Variants in ADCY4 observed in about 807,000 individuals in gnomAD.
The protein encoded by ADCY4 is adenylate cyclase 4.
Under a neutral mutation model 125.5 loss-of-function variants are expected in ADCY4, and 111 were observed. That is an observed-to-expected ratio of 0.88 (90% CI 0.76 to 1.04). ADCY4 has a LOEUF of 1.04. Ranked by LOEUF, ADCY4 falls within the 50% of genes least tolerant of loss-of-function variation. The pLI is 0.00. For synonymous variants in ADCY4, 576 were observed against 586.9 expected, an observed-to-expected ratio of 0.98 and a Z score of 0.27; for missense variants, 1,256 against 1,382.9, an observed-to-expected ratio of 0.91 and a Z score of 1.46.
rs140808432 is a variant in ADCY4, at chr14:24,333,208, T to A, written c.160-220A>T. ...TTTATCTAGACTCAGCAGTCTCGTA[T>A]GGTTTTTGTTGGTTGGTTGGTTTGT... On this transcript the variant is annotated intron_variant, in intron 1 of 24. Transcript: ENST00000418030. Among the ~76,000 whole-genome samples, 83 of 152,162 alleles carry A rather than the reference T, an allele frequency of 5.5e-4. 1 individual carries two copies. The highest frequency in any genetic ancestry group is 1.8e-3 in the African/African-American group (76 of 41,534).
chr14:24,332,588 C>G lies in ADCY4; in HGVS notation c.453G>C (p.Ser151=). Residue 151 remains serine, a synonymous_variant, in exon 3 of 25, where the codon TCG becomes TCC. Transcript: ENST00000418030. ...GATACAGCCCGAGGACCAGCAGATG[C>G]GAGAGTGAGGAGGCGAGGCCCGCGA... is the stretch of plus-strand genomic sequence containing the variant. ...AAVAGLASSL[S]HLLVLGLYLG... 1.3e-6 allele frequency: 2 copies of G among 1,578,962 alleles called. No individual in the cohort carries two copies. Among genetic ancestry groups the G allele is most frequent in the Non-Finnish European group, 1.7e-6 (2 of 1,162,426 alleles).
intron 3 of ADCY4, 150 bp from the exon 4 acceptor site, chr14:24,332,087 C>T: frequency 9.9e-7 from 1 of 1,008,226 alleles, no homozygotes; most frequent in Non-Finnish European, 1.3e-6. Flanking sequence ...CTGTGGCATC[C>T]CTAGGGACGT....
In ADCY4 at chr14:24,322,978, G is replaced by A. The variant is rs772997582; in HGVS notation, c.2268C>T (p.Ser756=). The A allele has an allele frequency of 3.1e-6, 5 of 1,614,040 alleles. No individual in the cohort carries two copies. The highest frequency in any genetic ancestry group is 1.3e-5 in the African/African-American group (1 of 75,048). ...LLLLWLAASC[S]LFLHSHAWLS... is the part of the protein sequence containing the mutation. ...GCCAGGCATGGGAGTGCAGGAAGAGGGAGCAGGATGCCGCCAGCCACAGCA... is the reference window on the plus strand; with the variant it reads ...GCCAGGCATGGGAGTGCAGGAAGAGAGAGCAGGATGCCGCCAGCCACAGCA... Residue 756 remains serine (S), a synonymous_variant, in exon 18 of 25, where the codon TCC becomes TCT. Coordinates refer to ENST00000418030, the MANE Select transcript of ADCY4 (RefSeq NM_001198568.2).
At position 24,326,125 on chromosome 14, in the gene ADCY4, C is replaced by G; in HGVS notation, c.1609G>C (p.Gly537Arg). The G allele has an allele frequency of 1.3e-6, 2 of 1,591,202 alleles. No homozygotes were observed. The highest frequency in any genetic ancestry group is 1.7e-6 in the Non-Finnish European group (2 of 1,166,442). The change falls in exon 12 of 25, where the codon GGG becomes CGG. Residue 537 changes from glycine (G) to arginine (R), a missense_variant. Coordinates refer to ENST00000418030, the MANE Select transcript of ADCY4 (RefSeq NM_001198568.2). ...PRGLDDELDT[G>R]DAKFFQVIEQ... Reference sequence around the variant, plus strand: ...ATGACCTGGAAGAACTTGGCATCCCCGGTGTCCAGTTCATCATCTAGTCCC... The same window carrying G: ...ATGACCTGGAAGAACTTGGCATCCCGGGTGTCCAGTTCATCATCTAGTCCC...
At position 24,325,818 on chromosome 14, in the gene ADCY4, C is replaced by T. The variant is rs1237045716; in HGVS notation, c.1725G>A (p.Glu575=). 2 of 1,594,776 alleles carry T rather than the reference C, an allele frequency of 1.3e-6. No individual in the cohort carries two copies. The highest frequency in any genetic ancestry group is 1.7e-6 in the Non-Finnish European group (2 of 1,168,516). ...TGGTGCCACCCACACCACAGCCCAC[C>T]TCTTTCTCCATCTCCTTCTCTCTGA... ...LYFREKEMEK[E]YRLSAIPAFK... is the part of the protein sequence containing the mutation. Residue 575 remains glutamate (E), a splice_region_variant and synonymous_variant, in exon 13 of 25, where the codon GAG becomes GAA. Transcript: ENST00000418030.
chr14:24,328,991 C>T, intron 10 of ADCY4, 70 bp downstream of exon 10: 1 of 1,543,868 alleles, frequency 6.5e-7, no homozygotes, highest in Non-Finnish European at 8.8e-7. Flanking sequence ...GGGAAGGCTG[C>T]CAGTGGGGCC....
At chr14:24,320,459 C>T (rs766313638) in intron 20 of ADCY4, among the ~76,000 whole-genome samples, 2 of 152,118 alleles carry the variant, frequency 1.3e-5, no homozygotes, top group African/African-American at 2.4e-5. Context: ...AGAAAAGGAT[C>T]GATTACAAGA....
In ADCY4 at chr14:24,319,908, G is replaced by C; in HGVS notation, c.2587-20C>G. On this transcript the variant is annotated intron_variant, in intron 20 of 24. Coordinates refer to ENST00000418030, the MANE Select transcript of ADCY4 (RefSeq NM_001198568.2). The surrounding 1 kb of genome is among the most constrained non-coding windows in gnomAD (Gnocchi z 4.5). ...GAGATCCTGGGGGAACAGGAGACTG[G>C]AGTGAGGGGTGTGTGTCATGTTCCT... The C allele has an allele frequency of 6.2e-7, 1 of 1,611,284 alleles. No homozygotes were observed. The highest frequency in any genetic ancestry group is 8.5e-7 in the Non-Finnish European group (1 of 1,179,650).
chr14:24,325,984 C>A, intron 12 of ADCY4, 95 bp downstream of exon 12: 1 of 1,584,348 alleles, frequency 6.3e-7, no homozygotes. Context: ...GGTGGTCAGG[C>A]GAGTCTTCCC....
chr14:24,320,705 G>A (rs1434414098), intron 20 of ADCY4, among the ~76,000 whole-genome samples: 3 of 152,292 alleles, frequency 2.0e-5, no homozygotes, highest in South Asian at 2.1e-4. Flanking sequence ...TGAGGATCTA[G>A]AGCAGCAGCA....
Position 24,334,661 on chromosome 14 carries a change from C to T in ADCY4, c.-9G>A, listed in dbSNP as rs777383878. The T allele has an allele frequency of 2.0e-6, 3 of 1,535,116 alleles. No homozygotes were observed. Among genetic ancestry groups the T allele is most frequent in the South Asian group, 2.4e-5 (2 of 83,226 alleles). ...CTGAAGAGGCGGGCCATGATCTCCC[C>T]AGCCCCGAGCCCCGGGGCTGGCTAG... On this transcript the variant is annotated 5_prime_UTR_variant, in exon 1 of 25. Coordinates refer to ENST00000418030, the MANE Select transcript of ADCY4 (RefSeq NM_001198568.2).
chr14:24,330,370 G>A, intron 6 of ADCY4, 75 bp from the exon 7 acceptor site: 1 of 1,598,724 alleles, frequency 6.3e-7, no homozygotes, highest in South Asian at 1.1e-5. Flanking sequence ...GGGAAAAGTG[G>A]GCAGCGAGCG....
At chr14:24,328,930 G>C (rs755873851) in intron 10 of ADCY4, 131 bp downstream of exon 10, 3 of 1,203,710 alleles carry the variant, frequency 2.5e-6, no homozygotes, top group African/African-American at 3.0e-5. Context: ...AAGACAGTTC[G>C]GGACTTTGGG....
chr14:24,329,068 G>A lies in ADCY4; in HGVS notation c.1517C>T (p.Pro506Leu). The stretch of plus-strand genomic sequence containing the variant: ...GGATGAAGGTGCACATACCGGGAGA[G>A]GGGTGGAGGTGGACACAGGGCTGTC... ...HGDSPVSTSTPLPEKTLASFS... is the reference protein window; with the variant it reads ...HGDSPVSTSTLLPEKTLASFS... The change falls in exon 10 of 25, where the codon CCT becomes CTT. Residue 506 changes from proline to leucine, a missense_variant. Pro to Leu is a moderately conservative substitution (Grantham distance 98). Transcript: ENST00000418030. 2 of 1,613,462 alleles carry A rather than the reference G, an allele frequency of 1.2e-6. No individual in the cohort carries two copies. Among genetic ancestry groups the A allele is most frequent in the Non-Finnish European group, 1.7e-6 (2 of 1,179,674 alleles).
Position 24,331,200 on chromosome 14 carries a change from C to T in ADCY4, c.818+8G>A, listed in dbSNP as rs1274960098. 1 of 1,614,178 alleles carries T rather than the reference C, an allele frequency of 6.2e-7. No homozygotes were observed. Among genetic ancestry groups the T allele is most frequent in the Non-Finnish European group, 8.5e-7 (1 of 1,180,012 alleles). ...AGGCCCCTCCCCTCCAGCCATTCTT[C>T]CTCATACCTGACTCCCTGGTGCCTC... On this transcript the variant is annotated splice_region_variant and intron_variant, in intron 5 of 24. Transcript: ENST00000418030.
chr14:24,330,335 G>T, intron 6 of ADCY4, 40 bp from the exon 7 acceptor site: 1 of 1,611,776 alleles, frequency 6.2e-7, no homozygotes, highest in South Asian at 1.1e-5. Flanking sequence ...AACCTGGTTA[G>T]AGGTCAGAAG....
At chr14:24,331,472 C>A in intron 4 of ADCY4, 116 bp from the exon 5 acceptor site, 3 of 1,381,628 alleles carry the variant, frequency 2.2e-6, no homozygotes, top group Non-Finnish European at 2.0e-6. Context: ...AGGGTGCTCC[C>A]CCAGGTCCTC....
intron 14 of ADCY4, among the ~76,000 whole-genome samples, chr14:24,324,626 GC>G (rs1226319194): frequency 6.6e-6 from 1 of 152,190 alleles, no homozygotes; most frequent in Admixed American, 6.6e-5. Context: ...GGGAGTGGGG[GC>G]TCACAAGAAT....
intron 6 of ADCY4, 71 bp from the exon 7 acceptor site, chr14:24,330,366 A>G (rs751342989): frequency 6.2e-7 from 1 of 1,601,584 alleles, no homozygotes; most frequent in Non-Finnish European, 8.5e-7. Context: ...AGTTGGGAAA[A>G]GTGGGCAGCG....
Sources: allele counts gnomAD v4.1 joint callset (sites outside exome capture counted in the v4.1 genomes callset), GRCh38; gene constraint gnomAD v4.1.1; non-coding constraint Gnocchi (gnomAD v3.1); transcripts MANE v1.5; gene names NCBI Gene and HGNC (gene_info 2026-07-23, HGNC 2026-07-21).